TGFBR2: variants seen among roughly 807,000 people sequenced by gnomAD.
TGFBR2 encodes the protein transforming growth factor beta receptor 2.
A neutral mutation model predicts 49.0 loss-of-function variants in TGFBR2; 18 were observed. That is an observed-to-expected ratio of 0.37 (90% CI 0.25 to 0.54). The LOEUF is 0.54. Ranked by LOEUF, TGFBR2 falls within the 20% of genes least tolerant of loss-of-function variation. The probability of loss-of-function intolerance (pLI) is 0.85; values close to 1 mark genes in which losing one functional copy is unlikely to be tolerated. For missense variants in TGFBR2, 525 were observed against 722.6 expected, an observed-to-expected ratio of 0.73 and a Z score of 3.13; for synonymous variants, 282 against 275.9, an observed-to-expected ratio of 1.02 and a Z score of -0.22.
At chr3:30,651,418 C>G (rs1339077312) in intron 3 of TGFBR2, among the ~76,000 whole-genome samples, 2 of 152,138 alleles carry the variant, frequency 1.3e-5, no homozygotes, top group East Asian at 3.8e-4. Flanking sequence ...ATCTGTCCAT[C>G]CTTCCATCCA....
At chr3:30,614,113 T>TC (rs972879115) in intron 1 of TGFBR2, among the ~76,000 whole-genome samples, 4 of 125,158 alleles carry the variant, frequency 3.2e-5, no homozygotes, top group African/African-American at 1.3e-4. Context: ...TTTTTTTCTT[T>TC]CCTTTTTTTT....
chr3:30,646,547 G>A lies in TGFBR2; in HGVS notation c.263+1632G>A, dbSNP rs181447144. 6.6e-5 allele frequency among the ~76,000 whole-genome samples: 10 copies of A among 152,224 alleles called. No homozygotes were observed. The East Asian group carries it at 1.5e-3, about 24-fold the overall frequency. On this transcript the variant is annotated intron_variant, in intron 2 of 6. Coordinates refer to ENST00000295754, the MANE Select transcript of TGFBR2 (RefSeq NM_003242.6). ...GCATAACTCTGAAGGGTAGAGGGAG[G>A]ATCCATAACATTTGCAAGGCAGGCA...
chr3:30,683,809 T>C (rs540615971), intron 5 of TGFBR2, among the ~76,000 whole-genome samples: 1 of 152,290 alleles, frequency 6.6e-6, no homozygotes, highest in South Asian at 2.1e-4. Context: ...TCTCAGGCCA[T>C]CAACTTGTTG....
At chr3:30,656,367 T>G (rs1415891861) in intron 3 of TGFBR2, among the ~76,000 whole-genome samples, 1 of 152,256 alleles carries the variant, frequency 6.6e-6, no homozygotes, top group Non-Finnish European at 1.5e-5. Flanking sequence ...TGTTAGTTTA[T>G]TGTATTTGTA....
chr3:30,620,462 A>G (rs2125451119), intron 1 of TGFBR2, among the ~76,000 whole-genome samples: 1 of 151,194 alleles, frequency 6.6e-6, no homozygotes, highest in South Asian at 2.1e-4. Context: ...GTTTGACAGA[A>G]CCATAGGCTT....
chr3:30,678,216 G>A (rs924170911), intron 5 of TGFBR2, among the ~76,000 whole-genome samples: 2 of 151,988 alleles, frequency 1.3e-5, no homozygotes, highest in East Asian at 1.9e-4. Context: ...CTGACCCATC[G>A]AGCCAGCTAC....
chr3:30,614,300 G>C (rs756691797), intron 1 of TGFBR2, among the ~76,000 whole-genome samples: 3 of 151,986 alleles, frequency 2.0e-5, no homozygotes, highest in Admixed American at 6.6e-5. Flanking sequence ...AAGGAAAAAG[G>C]CTTCTCAGTG....
intron 6 of TGFBR2, among the ~76,000 whole-genome samples, chr3:30,690,793 T>G (rs1487880290): frequency 1.3e-5 from 2 of 152,178 alleles, no homozygotes; most frequent in Non-Finnish European, 2.9e-5. Context: ...TTCCGCATGA[T>G]ACTATAATGG....
chr3:30,673,723 A>AT (rs1188127184), intron 4 of TGFBR2, among the ~76,000 whole-genome samples: 2 of 144,292 alleles, frequency 1.4e-5, no homozygotes, highest in African/African-American at 5.0e-5. Flanking sequence ...AGTTTCAGGA[A>AT]TAAAAAAAAA....
chr3:30,668,052 T>C (rs1156955212), intron 3 of TGFBR2, among the ~76,000 whole-genome samples: 1 of 152,124 alleles, frequency 6.6e-6, no homozygotes. Flanking sequence ...TCTTTAAAAA[T>C]GGGGATGGAA....
chr3:30,632,686 C>A (rs1698459343), intron 1 of TGFBR2, among the ~76,000 whole-genome samples: 1 of 152,246 alleles, frequency 6.6e-6, no homozygotes, highest in East Asian at 1.9e-4. Context: ...TGGAATGTTA[C>A]CTTTCTAGCA....
chr3:30,617,941 G>T (rs1302320757), intron 1 of TGFBR2, among the ~76,000 whole-genome samples: 2 of 152,198 alleles, frequency 1.3e-5, no homozygotes, highest in Non-Finnish European at 2.9e-5. Context: ...GTAGCCAAAT[G>T]ATCTGCAGTG....
intron 3 of TGFBR2, among the ~76,000 whole-genome samples, chr3:30,658,539 C>T (rs766831111): frequency 1.3e-5 from 2 of 152,044 alleles, no homozygotes; most frequent in Non-Finnish European, 2.9e-5. Flanking sequence ...GGAAGCAGAC[C>T]ATAAGATGTA....
chr3:30,647,175 A>T (rs1216307163), intron 2 of TGFBR2, among the ~76,000 whole-genome samples: 1 of 152,154 alleles, frequency 6.6e-6, no homozygotes, highest in Non-Finnish European at 1.5e-5. Context: ...GAGCTGCCTC[A>T]TTCACGTTGG....
chr3:30,683,114 A>C (rs1699564833), intron 5 of TGFBR2, among the ~76,000 whole-genome samples: 1 of 152,214 alleles, frequency 6.6e-6, no homozygotes, highest in Admixed American at 6.5e-5. Flanking sequence ...TAAAATGAGG[A>C]TGTTGGATCC....
At chr3:30,635,688 G>A (rs975702209) in intron 1 of TGFBR2, among the ~76,000 whole-genome samples, 1 of 152,168 alleles carries the variant, frequency 6.6e-6, no homozygotes, top group Non-Finnish European at 1.5e-5. Context: ...CTCATTGGAT[G>A]AATTCATTTG....
At chr3:30,675,751 G>A (rs1371924269) in intron 5 of TGFBR2, among the ~76,000 whole-genome samples, 2 of 152,134 alleles carry the variant, frequency 1.3e-5, no homozygotes, top group Middle Eastern at 3.2e-3. Flanking sequence ...TAAAAATAGT[G>A]GAGTTTCTGT....
rs200647708 is a variant in TGFBR2, at chr3:30,662,680, A to G, written c.455-8958A>G. 2.6e-5 allele frequency among the ~76,000 whole-genome samples: 4 copies of G among 152,124 alleles called. No homozygotes were observed. In the East Asian group the frequency reaches 7.7e-4, roughly 29 times the overall value. On this transcript the variant is annotated intron_variant, in intron 3 of 6. Transcript: ENST00000295754. Reference sequence around the variant, plus strand: ...CTAAATTGGTGTGCTTTTTACTAGGATGATGGATGGGGAAGCATATCTCAT... The same window carrying G: ...CTAAATTGGTGTGCTTTTTACTAGGGTGATGGATGGGGAAGCATATCTCAT...
chr3:30,618,412 A>G (rs1698169100), intron 1 of TGFBR2, among the ~76,000 whole-genome samples: 2 of 151,700 alleles, frequency 1.3e-5, no homozygotes, highest in African/African-American at 4.8e-5. Context: ...TTGTTGTTGT[A>G]TTTTTAGTAG....
Sources: gnomAD v4.1 joint callset for allele counts (sites outside exome capture counted in the v4.1 genomes callset) on GRCh38, gnomAD v4.1.1 for gene constraint, MANE v1.5 for transcripts, NCBI Gene and HGNC (gene_info 2026-07-23, HGNC 2026-07-21) for gene names.